Variants in FER observed in about 807,000 individuals in gnomAD.
The protein encoded by FER is tyrosine-protein kinase Fer.
Under a neutral mutation model 111.0 loss-of-function variants are expected in FER, and 63 were observed. The ratio of observed to expected loss-of-function variants is 0.57; its 90% confidence interval spans 0.46 to 0.70. FER has a LOEUF of 0.70. Ranked by LOEUF, FER falls within the 30% of genes least tolerant of loss-of-function variation. The pLI is 0.00. For synonymous variants in FER, 327 were observed against 313.9 expected (o/e 1.04, Z -0.44); for missense variants, 914 against 954.0 (o/e 0.96, Z 0.55).
At chr5:108,866,082 C>T (rs1175056091) in intron 5 of FER, among the ~76,000 whole-genome samples, 1 of 152,192 alleles carries the variant, frequency 6.6e-6, no homozygotes, top group Non-Finnish European at 1.5e-5. Context: ...CATCCCATTA[C>T]TGAGTATATA....
intron 10 of FER, among the ~76,000 whole-genome samples, chr5:108,915,081 G>A (rs1752085400): frequency 1.3e-5 from 2 of 152,276 alleles, no homozygotes; most frequent in Admixed American, 1.3e-4. Flanking sequence ...GACTAAGAAG[G>A]TTAGGTAGAG....
At chr5:109,145,781 A>C (rs182693175) in intron 17 of FER, among the ~76,000 whole-genome samples, 1 of 152,206 alleles carries the variant, frequency 6.6e-6, no homozygotes, top group East Asian at 1.9e-4. Context: ...TATTATTGTC[A>C]CATTGATGTT....
rs1437422339 is a variant in FER at position 109,192,429 on chromosome 5, A to C, written c.*4854A>C. On this transcript the variant is annotated 3_prime_UTR_variant, in exon 20 of 20. Transcript: ENST00000281092. ...ATCTCCAGTGTGTGGGCCTTAGCAA[A>C]GAGTAAACCAAATACCTCTCCTTGT... is the stretch of plus-strand genomic sequence containing the variant. 1 of 152,200 alleles carries C rather than the reference A, an allele frequency of 6.6e-6. No homozygotes were observed. The highest frequency in any genetic ancestry group is 2.4e-5 in the African/African-American group (1 of 41,456). The allele number at this position is 152,200 out of a possible 1,614,324, so 9.4% of individuals were successfully genotyped here. A position where few individuals can be genotyped will look rare whatever the true frequency, so the allele number is the denominator to read the frequency against.
intron 13 of FER, among the ~76,000 whole-genome samples, chr5:109,007,206 A>G (rs970481841): frequency 1.3e-5 from 2 of 152,216 alleles, no homozygotes; most frequent in Admixed American, 1.3e-4. Context: ...TATTAACATT[A>G]TATCAGTATA....
At chr5:108,985,077 C>A (rs919775513) in intron 13 of FER, among the ~76,000 whole-genome samples, 3 of 151,816 alleles carry the variant, frequency 2.0e-5, no homozygotes, top group Non-Finnish European at 4.4e-5. Context: ...AAAACTAGTG[C>A]TTATCATACA....
At chr5:109,019,518 T>G (rs1346242075) in intron 13 of FER, among the ~76,000 whole-genome samples, 1 of 151,816 alleles carries the variant, frequency 6.6e-6, no homozygotes, top group Non-Finnish European at 1.5e-5. Context: ...ATTGTCAAAG[T>G]GTGATCGCCA....
At chr5:108,768,992 T>G (rs900535268) in intron 2 of FER, among the ~76,000 whole-genome samples, 5 of 152,068 alleles carry the variant, frequency 3.3e-5, no homozygotes, top group African/African-American at 7.2e-5. Context: ...TCCTGGCTAA[T>G]TTTTGTATTT....
intron 13 of FER, among the ~76,000 whole-genome samples, chr5:108,989,968 A>G (rs1261604191): frequency 1.3e-5 from 2 of 151,932 alleles, no homozygotes; most frequent in African/African-American, 4.8e-5. Flanking sequence ...CAGGTCAAGG[A>G]GTATGTCATA....
At chr5:109,160,910 GA>G (rs1478138019) in intron 17 of FER, among the ~76,000 whole-genome samples, 2 of 152,158 alleles carry the variant, frequency 1.3e-5, no homozygotes, top group Non-Finnish European at 2.9e-5. Flanking sequence ...ACTGATGACG[GA>G]TGCTACATGT....
At chr5:108,873,312 T>C (rs1272962887) in intron 8 of FER, among the ~76,000 whole-genome samples, 7 of 152,068 alleles carry the variant, frequency 4.6e-5, no homozygotes, top group African/African-American at 1.7e-4. Flanking sequence ...CTGGCTAATT[T>C]TTGTGTTTTT....
intron 3 of FER, among the ~76,000 whole-genome samples, chr5:108,819,042 G>T (rs1310276282): frequency 6.6e-6 from 1 of 151,990 alleles, no homozygotes; most frequent in Non-Finnish European, 1.5e-5. Context: ...TAGAAACAGG[G>T]TCTAGCTCTG....
rs2150236355 is a variant in FER at position 108,867,946 on chromosome 5, G to A, written c.661G>A (p.Ala221Thr). 2 of 1,603,982 alleles carry A rather than the reference G, an allele frequency of 1.2e-6. No individual in the cohort carries two copies. Among genetic ancestry groups the A allele is most frequent in the South Asian group, 1.1e-5 (1 of 89,108 alleles). The change falls in exon 6 of 20, where the codon GCA becomes ACA. Residue 221 changes from alanine to threonine, a missense_variant. By Grantham distance (58) the Ala-to-Thr change is moderately conservative (BLOSUM62 0). Coordinates refer to ENST00000281092, the MANE Select transcript of FER (RefSeq NM_005246.4). ...LQKMQEEMIK[A>T]LKGIFDEYSQ... ...AAAGATGCAAGAAGAAATGATAAAA[G>A]CACTGTAAGATACATTTTCTTTTTA...
intron 2 of FER, among the ~76,000 whole-genome samples, chr5:108,791,422 T>G (rs1755358305): frequency 6.6e-6 from 1 of 152,102 alleles, no homozygotes; most frequent in Admixed American, 6.5e-5. Context: ...TGGACATTTG[T>G]ACATTTTTCT....
chr5:108,749,312 C>T (rs1181412839), intron 1 of FER, among the ~76,000 whole-genome samples: 1 of 152,096 alleles, frequency 6.6e-6, no homozygotes, highest in Non-Finnish European at 1.5e-5. Flanking sequence ...ATCCCGGGAC[C>T]CGAAGGCTGA....
At chr5:108,850,188 C>T (rs571704206) in intron 5 of FER, among the ~76,000 whole-genome samples, 33 of 146,152 alleles carry the variant, frequency 2.3e-4, no homozygotes, top group Non-Finnish European at 4.2e-4. Context: ...AGCAAGACTC[C>T]GTCTCAAAAA....
chr5:109,030,206 A>T (rs935880621), intron 13 of FER, among the ~76,000 whole-genome samples: 1 of 151,746 alleles, frequency 6.6e-6, no homozygotes, highest in African/African-American at 2.4e-5. Context: ...GAGATAATCT[A>T]TGTGTTTTCA....
intron 17 of FER, among the ~76,000 whole-genome samples, chr5:109,158,161 T>G (rs1301048131): frequency 1.3e-5 from 2 of 151,986 alleles, no homozygotes; most frequent in African/African-American, 4.8e-5. Flanking sequence ...GGAAAATTGC[T>G]TGAGCCCAGG....
chr5:109,044,461 A>G (rs1029246396), intron 14 of FER, among the ~76,000 whole-genome samples: 2 of 152,134 alleles, frequency 1.3e-5, no homozygotes, highest in Non-Finnish European at 2.9e-5. Context: ...GATTACAGGC[A>G]TGAGCCACCA....
chr5:108,889,249 A>G (rs1331919222), intron 9 of FER, among the ~76,000 whole-genome samples: 12 of 151,910 alleles, frequency 7.9e-5, no homozygotes. Context: ...TCCAAGAGAT[A>G]TTTACACTCC....
Sources: allele counts gnomAD v4.1 joint callset (sites outside exome capture counted in the v4.1 genomes callset), GRCh38; gene constraint gnomAD v4.1.1; transcripts MANE v1.5; gene names NCBI Gene and HGNC (gene_info 2026-07-23, HGNC 2026-07-21).